The following PHLPP1 variants were observed in gnomAD, a reference collection of about 807,000 sequenced individuals.
The protein encoded by PHLPP1 is PH domain leucine-rich repeat-containing protein phosphatase 1.
In PHLPP1, 42 loss-of-function variants were observed where a neutral mutation model predicts 117.2. The ratio of observed to expected loss-of-function variants is 0.36; its 90% confidence interval spans 0.28 to 0.46. The LOEUF is 0.46. Ranked by LOEUF, PHLPP1 falls within the 20% of genes least tolerant of loss-of-function variation. The pLI is 1.00. For synonymous variants in PHLPP1, 1,042 were observed against 970.7 expected (o/e 1.07, Z -1.37); for missense variants, 2,084 against 2,241.9 (o/e 0.93, Z 1.42).
chr18:62,787,188 C>T (rs1407609639), intron 1 of PHLPP1, among the ~76,000 whole-genome samples: 5 of 151,770 alleles, frequency 3.3e-5, no homozygotes, highest in African/African-American at 1.2e-4. Flanking sequence ...TAACAGATTG[C>T]TCTCAATTTT....
chr18:62,928,156 G>A (rs920046131), intron 10 of PHLPP1, among the ~76,000 whole-genome samples: 2 of 152,024 alleles, frequency 1.3e-5, no homozygotes, highest in African/African-American at 4.8e-5. Context: ...TGTTAAACAT[G>A]TAAGCACCAA....
chr18:62,900,433 CTTTTTTTTTTT>C (rs774225759), intron 6 of PHLPP1, among the ~76,000 whole-genome samples: 705 of 54,278 alleles, frequency 0.013, 16 homozygotes, highest in Non-Finnish European at 0.019. Flanking sequence ...CTTTTTCTTT[CTTTTTTTTTTT>C]TTTTTTTTTT....
At chr18:62,824,922 A>AAT (rs1468527325) in intron 1 of PHLPP1, among the ~76,000 whole-genome samples, 2 of 148,212 alleles carry the variant, frequency 1.3e-5, no homozygotes, top group East Asian at 4.1e-4. Context: ...CAAATGAGCC[A>AAT]ATATATATAC....
intron 1 of PHLPP1, among the ~76,000 whole-genome samples, chr18:62,823,306 T>A (rs1914519245): frequency 6.6e-6 from 1 of 152,150 alleles, no homozygotes; most frequent in Non-Finnish European, 1.5e-5. Flanking sequence ...CGACTCAGGC[T>A]TATAATCCTA....
At chr18:62,846,168 C>T (rs1419769105) in intron 3 of PHLPP1, among the ~76,000 whole-genome samples, 3 of 143,192 alleles carry the variant, frequency 2.1e-5, no homozygotes, top group African/African-American at 7.8e-5. Flanking sequence ...AAGATGGTGC[C>T]ACTGCACTCC....
At chr18:62,945,998 GA>G (rs1910270696) in intron 12 of PHLPP1, among the ~76,000 whole-genome samples, 1 of 152,184 alleles carries the variant, frequency 6.6e-6, no homozygotes, top group South Asian at 2.1e-4. Context: ...TTCTGGCAGG[GA>G]AATGGTACAG....
intron 1 of PHLPP1, among the ~76,000 whole-genome samples, chr18:62,726,796 C>T (rs1388077200): frequency 1.3e-5 from 2 of 151,460 alleles, no homozygotes; most frequent in East Asian, 2.0e-4. Flanking sequence ...GTTGGCCATG[C>T]TGGTCTTGAA....
chr18:62,875,264 T>A lies in PHLPP1; in HGVS notation c.2066+14663T>A, dbSNP rs1222035025. ...GCACCACGTCCGGCCTATAGAATTC[T>A]TAATGTGATTTTTATCATATATGAT... On this transcript the variant is annotated intron_variant, in intron 4 of 16. Transcript: ENST00000262719. 2.0e-5 allele frequency among the ~76,000 whole-genome samples: 3 copies of A among 152,286 alleles called. No individual in the cohort carries two copies. In the South Asian group the frequency reaches 6.2e-4, roughly 32 times the overall value.
intron 12 of PHLPP1, among the ~76,000 whole-genome samples, chr18:62,953,086 A>T (rs2144468690): frequency 6.6e-6 from 1 of 152,356 alleles, no homozygotes; most frequent in Non-Finnish European, 1.5e-5. Context: ...CCAGGAATGT[A>T]TAGTAGTTTA....
At chr18:62,977,164 G>T (rs1911212996) in intron 16 of PHLPP1, among the ~76,000 whole-genome samples, 2 of 152,128 alleles carry the variant, frequency 1.3e-5, no homozygotes, top group African/African-American at 4.8e-5. Context: ...GCTTATAAGT[G>T]TGGTGTGGCA....
At chr18:62,745,272 A>T (rs976973448) in intron 1 of PHLPP1, among the ~76,000 whole-genome samples, 1 of 152,142 alleles carries the variant, frequency 6.6e-6, no homozygotes, top group Non-Finnish European at 1.5e-5. Context: ...ACTCCAGGAG[A>T]ATATTTAGTT....
intron 14 of PHLPP1, among the ~76,000 whole-genome samples, chr18:62,964,384 G>A (rs546980436): frequency 3.4e-4 from 52 of 152,140 alleles, no homozygotes; most frequent in Non-Finnish European, 6.2e-4. Flanking sequence ...GAGAACCACC[G>A]ACTAGCTGAA....
chr18:62,854,753 A>T (rs1252662639), intron 3 of PHLPP1, among the ~76,000 whole-genome samples: 2 of 136,054 alleles, frequency 1.5e-5, no homozygotes, highest in African/African-American at 5.6e-5. Context: ...GTGGAGTGTG[A>T]TGGCTCAATC....
intron 1 of PHLPP1, among the ~76,000 whole-genome samples, chr18:62,723,153 C>T (rs1441290159): frequency 1.3e-5 from 2 of 152,132 alleles, no homozygotes; most frequent in Non-Finnish European, 1.5e-5. Flanking sequence ...GCCTAGTGGC[C>T]TCTGAGTTTG....
chr18:62,847,006 T>C (rs1365842886), intron 3 of PHLPP1, among the ~76,000 whole-genome samples: 1 of 152,214 alleles, frequency 6.6e-6, no homozygotes, highest in Non-Finnish European at 1.5e-5. Flanking sequence ...TCTAAAGTTA[T>C]TTCAGTTTAG....
chr18:62,952,778 G>A (rs1479032772), intron 12 of PHLPP1, among the ~76,000 whole-genome samples: 1 of 152,122 alleles, frequency 6.6e-6, no homozygotes, highest in Non-Finnish European at 1.5e-5. Context: ...AGGTGCTCAG[G>A]AGCCTGGCTA....
At chr18:62,945,343 C>G in intron 12 of PHLPP1, 72 bp downstream of exon 12, 2 of 1,252,470 alleles carry the variant, frequency 1.6e-6, no homozygotes, top group South Asian at 3.2e-5. Flanking sequence ...CTCATCAACT[C>G]AGGACGTTTG....
At chr18:62,946,705 C>T (rs1910296395) in intron 12 of PHLPP1, among the ~76,000 whole-genome samples, 1 of 152,168 alleles carries the variant, frequency 6.6e-6, no homozygotes, top group Non-Finnish European at 1.5e-5. Context: ...TTACTTTGGG[C>T]TTTAAGAACA....
chr18:62,835,231 C>G (rs1914859905), intron 2 of PHLPP1, among the ~76,000 whole-genome samples: 1 of 147,946 alleles, frequency 6.8e-6, no homozygotes, highest in African/African-American at 2.5e-5. Context: ...GAGACAGAGT[C>G]TGTCTCTTGT....
Sources: gnomAD v4.1 joint callset for allele counts (sites outside exome capture counted in the v4.1 genomes callset) on GRCh38, gnomAD v4.1.1 for gene constraint, MANE v1.5 for transcripts, NCBI Gene and HGNC (gene_info 2026-07-23, HGNC 2026-07-21) for gene names.